PAQR5: variants seen among roughly 807,000 people sequenced by gnomAD.
The protein encoded by PAQR5 is membrane progestin receptor gamma.
In PAQR5, 20 loss-of-function variants were observed where a neutral mutation model predicts 34.5. The ratio of observed to expected loss-of-function variants is 0.58; its 90% CI spans 0.41 to 0.84. The LOEUF (loss-of-function observed/expected upper bound fraction) is 0.84, where lower values mean the gene tolerates loss of function less well. Among genes scored for constraint, PAQR5 ranks in the 40% least tolerant of loss-of-function variants. The pLI is 0.00. For missense variants in PAQR5, 378 were observed against 412.7 expected (o/e 0.92, Z 0.73); for synonymous variants, 131 against 155.6 (o/e 0.84, Z 1.18).
intron 3 of PAQR5, among the ~76,000 whole-genome samples, chr15:69,376,475 A>G (rs1050664239): frequency 2.6e-5 from 4 of 152,218 alleles, no homozygotes; most frequent in African/African-American, 4.8e-5. Flanking sequence ...GAGTGCAACT[A>G]AGACCTAGTA....
intron 2 of PAQR5, among the ~76,000 whole-genome samples, chr15:69,358,990 T>TACTGGGTTTATACTGGGTATACTGGG (rs1247102973): frequency 4.6e-5 from 7 of 152,224 alleles, no homozygotes; most frequent in Admixed American, 4.6e-4. Context: ...ACTGGGTAAT[T>TACTGGGTTTATACTGGGTATACTGGG]TATAAACAAC....
intron 3 of PAQR5, among the ~76,000 whole-genome samples, chr15:69,373,907 T>C (rs2055632133): frequency 6.6e-6 from 1 of 151,240 alleles, no homozygotes; most frequent in Non-Finnish European, 1.5e-5. Flanking sequence ...CCCAGTGCTA[T>C]TTACTTTTTA....
chr15:69,338,736 C>T (rs2054568166), intron 2 of PAQR5, among the ~76,000 whole-genome samples: 1 of 152,216 alleles, frequency 6.6e-6, no homozygotes, highest in Admixed American at 6.5e-5. Flanking sequence ...AGAGATCGAA[C>T]TTAACTGACT....
chr15:69,346,358 T>C (rs1449193497), intron 2 of PAQR5, among the ~76,000 whole-genome samples: 1 of 124,004 alleles, frequency 8.1e-6, no homozygotes, highest in Non-Finnish European at 1.6e-5. Flanking sequence ...CAGTCTGGAA[T>C]GCAGTGATAC....
intron 1 of PAQR5, among the ~76,000 whole-genome samples, chr15:69,333,295 C>T (rs1567004644): frequency 6.6e-6 from 1 of 152,116 alleles, no homozygotes; most frequent in Non-Finnish European, 1.5e-5. Flanking sequence ...CGGATAGATC[C>T]CTCTCAGAAT....
At chr15:69,403,497 C>A in intron 8 of PAQR5, 84 bp from the exon 9 acceptor site, 1 of 1,332,588 alleles carries the variant, frequency 7.5e-7, no homozygotes. Context: ...CACTTAGCAT[C>A]ATTTTTAGCA....
At chr15:69,316,444 G>T (rs1049229978) in intron 1 of PAQR5, among the ~76,000 whole-genome samples, 6 of 152,164 alleles carry the variant, frequency 3.9e-5, no homozygotes, top group Non-Finnish European at 8.8e-5. Context: ...GCTTAATAAT[G>T]CTACAATAAT....
rs564174311 is a variant in PAQR5, at chr15:69,387,323, G to A, written c.386-2331G>A. 1.3e-4 allele frequency among the ~76,000 whole-genome samples: 20 copies of A among 152,166 alleles called. 1 individual carries two copies. Among genetic ancestry groups the A allele is most frequent in the Non-Finnish European group, 2.1e-4 (14 of 68,028 alleles). On this transcript the variant is annotated intron_variant, in intron 5 of 8. Transcript: ENST00000395407. Reference sequence around the variant, plus strand: ...CCAGGCCCCTGACACACACCCCTGAGGGGCCACACCACACCATGTTTAATG... The same window carrying A: ...CCAGGCCCCTGACACACACCCCTGAAGGGCCACACCACACCATGTTTAATG...
rs1475373897 is a variant in PAQR5, at chr15:69,404,764, G to A, written c.*942G>A. ...AGTTAATCACCTTGCCAGTGGGGTG[G>A]TCACATATAGTGTTCTCAAGCTTTA... On this transcript the variant is annotated 3_prime_UTR_variant, in exon 9 of 9. Coordinates refer to ENST00000395407, the MANE Select transcript of PAQR5 (RefSeq NM_017705.4). The A allele has an allele frequency of 2.5e-6, 1 of 395,574 alleles. No homozygotes were observed. The highest frequency in any genetic ancestry group is 4.5e-6 in the Non-Finnish European group (1 of 224,696). The allele number at this position is 395,574 out of a possible 1,614,324, so 24.5% of individuals were successfully genotyped here.
chr15:69,339,485 G>A (rs180860286), intron 2 of PAQR5, among the ~76,000 whole-genome samples: 45 of 151,322 alleles, frequency 3.0e-4, no homozygotes, highest in African/African-American at 1.0e-3. Flanking sequence ...TTTCGTTTTT[G>A]TTTTTGAGAC....
At chr15:69,371,130 G>A (rs1049737853) in intron 3 of PAQR5, among the ~76,000 whole-genome samples, 1 of 152,112 alleles carries the variant, frequency 6.6e-6, no homozygotes, top group African/African-American at 2.4e-5. Context: ...CACTATTCCT[G>A]AGTCATTGTA....
chr15:69,318,729 A>G (rs1017193688), intron 1 of PAQR5, among the ~76,000 whole-genome samples: 3 of 152,046 alleles, frequency 2.0e-5, no homozygotes, highest in African/African-American at 7.2e-5. Flanking sequence ...GGTATATACT[A>G]TGTTTTTTCC....
At chr15:69,372,846 C>T (rs1383691229) in intron 3 of PAQR5, among the ~76,000 whole-genome samples, 1 of 152,162 alleles carries the variant, frequency 6.6e-6, no homozygotes, top group Non-Finnish European at 1.5e-5. Context: ...AAATTCTGAT[C>T]TTGCATTAGT....
In PAQR5 at chr15:69,404,498, A is replaced by G. The variant is rs1236981779; in HGVS notation, c.*676A>G. ...GTCAGTTTTTTTCTTAAAAGTCCAC[A>G]GCGGGGTGTCATGTGTTCTGTTATG... is the stretch of plus-strand genomic sequence containing the variant. On this transcript the variant is annotated 3_prime_UTR_variant, in exon 9 of 9. Coordinates refer to ENST00000395407, the MANE Select transcript of PAQR5 (RefSeq NM_017705.4). The G allele has an allele frequency of 1.3e-5, 2 of 154,360 alleles. No homozygotes were observed. Among genetic ancestry groups the G allele is most frequent in the East Asian group, 3.8e-4 (2 of 5,250 alleles). The allele number at this position is 154,360 out of a possible 1,614,324, so 9.6% of individuals were successfully genotyped here.
chr15:69,318,847 G>A (rs1430322675), intron 1 of PAQR5, among the ~76,000 whole-genome samples: 4 of 151,842 alleles, frequency 2.6e-5, no homozygotes, highest in Middle Eastern at 6.8e-3. Flanking sequence ...AAAGTTATAC[G>A]ATGCCAGGTG....
chr15:69,299,408 TCCCGCCGCC>T (rs2053473012), intron 1 of PAQR5, among the ~76,000 whole-genome samples: 2 of 144,744 alleles, frequency 1.4e-5, no homozygotes, highest in African/African-American at 5.0e-5. Context: ...ACCGCCCCCC[TCCCGCCGCC>T]CCCACTTTAA....
intron 2 of PAQR5, among the ~76,000 whole-genome samples, chr15:69,353,893 T>G (rs780631486): frequency 1.3e-5 from 2 of 152,138 alleles, no homozygotes; most frequent in African/African-American, 4.8e-5. Flanking sequence ...CCAGCCACTT[T>G]GGGCTTCTTG....
chr15:69,338,422 T>A (rs554858823), intron 2 of PAQR5, among the ~76,000 whole-genome samples: 1 of 152,218 alleles, frequency 6.6e-6, no homozygotes, highest in African/African-American at 2.4e-5. Context: ...ATGTACCTTA[T>A]AGTAGGCTGT....
intron 1 of PAQR5, among the ~76,000 whole-genome samples, chr15:69,333,821 C>A (rs1228666270): frequency 1.3e-5 from 2 of 151,936 alleles, no homozygotes; most frequent in African/African-American, 4.8e-5. Context: ...AAGAAACTGG[C>A]AAATGAAAAA....
Sources: allele counts gnomAD v4.1 joint callset (sites outside exome capture counted in the v4.1 genomes callset), GRCh38; gene constraint gnomAD v4.1.1; transcripts MANE v1.5; gene names NCBI Gene and HGNC (gene_info 2026-07-23, HGNC 2026-07-21).